Variants in ATAD2B observed in about 807,000 individuals in gnomAD.
ATAD2B encodes ATPase family AAA domain-containing protein 2B.
A neutral mutation model predicts 167.6 loss-of-function variants in ATAD2B; 40 were observed. That is an observed-to-expected ratio of 0.24 (90% CI 0.19 to 0.31). The LOEUF (loss-of-function observed/expected upper bound fraction) is 0.31, where lower values mean the gene tolerates loss of function less well. ATAD2B is among the 10% of genes least tolerant of loss of function. The probability of loss-of-function intolerance (pLI) is 1.00; values close to 1 mark genes in which losing one functional copy is unlikely to be tolerated. For synonymous variants in ATAD2B, 579 were observed against 596.5 expected (o/e 0.97, Z 0.43); for missense variants, 1,242 against 1,757.2 (o/e 0.71, Z 5.24).
At chr2:23,807,132 T>C (rs1049000642) in intron 18 of ATAD2B, among the ~76,000 whole-genome samples, 6 of 152,154 alleles carry the variant, frequency 3.9e-5, no homozygotes, top group African/African-American at 1.4e-4. Flanking sequence ...TCACTCCCAA[T>C]GCAGAGATCT....
At chr2:23,781,916 G>A (rs985905821) in intron 22 of ATAD2B, among the ~76,000 whole-genome samples, 5 of 151,996 alleles carry the variant, frequency 3.3e-5, no homozygotes, top group African/African-American at 1.2e-4. Context: ...GGGCTCAAGT[G>A]AGCCTCCCAC....
the ATAD2B span, among the ~76,000 whole-genome samples, chr2:23,680,589 C>T: frequency 5.9e-5 from 9 of 152,110 alleles, no homozygotes; most frequent in Non-Finnish European, 1.0e-4. This position sits in a 1 kb window ranked among gnomAD's most constrained non-coding sequence, Gnocchi z 4.1. Context: ...ACTCGCCAGA[C>T]CCCACCGAGC....
intron 15 of ATAD2B, among the ~76,000 whole-genome samples, chr2:23,826,610 C>T (rs1688297840): frequency 6.6e-6 from 1 of 152,038 alleles, no homozygotes; most frequent in African/African-American, 2.4e-5. Context: ...AGAGGTTAGA[C>T]TAGAAACAAG....
At chr2:23,870,617 C>T (rs1176836248) in intron 8 of ATAD2B, among the ~76,000 whole-genome samples, 1 of 123,160 alleles carries the variant, frequency 8.1e-6, no homozygotes, top group East Asian at 3.6e-4. Context: ...CCAAATTTAG[C>T]GAATATCGGT....
At chr2:23,857,153 A>G (rs2675364) in intron 13 of ATAD2B, among the ~76,000 whole-genome samples, 9,822 of 152,276 alleles carry the variant, frequency 0.065, 402 homozygotes, top group African/African-American at 0.12. Flanking sequence ...ATTGTAGCAC[A>G]TAAGAAACCA....
chr2:23,824,547 A>G (rs1464566833), intron 15 of ATAD2B, among the ~76,000 whole-genome samples: 1 of 152,230 alleles, frequency 6.6e-6, no homozygotes, highest in Admixed American at 6.5e-5. Flanking sequence ...AGTTCCAAAT[A>G]TATTAAAGTA....
At chr2:23,691,664 CTG>C in the ATAD2B span, 6 of 1,551,484 alleles carry the variant, frequency 3.9e-6, no homozygotes, top group South Asian at 7.1e-5. Context: ...ACCCTGGTCT[CTG>C]TGCCTAGGTC....
intron 1 of ATAD2B, among the ~76,000 whole-genome samples, chr2:23,914,568 G>A (rs544342742): frequency 1.8e-4 from 27 of 152,162 alleles, no homozygotes; most frequent in Non-Finnish European, 3.2e-4. Flanking sequence ...GGCCCGGCGC[G>A]GTGGCTCACA....
chr2:23,684,899 C>T, the ATAD2B span, among the ~76,000 whole-genome samples: 1 of 152,156 alleles, frequency 6.6e-6, no homozygotes, highest in African/African-American at 2.4e-5. This position sits in a 1 kb window ranked among gnomAD's most constrained non-coding sequence, Gnocchi z 4.4. Context: ...TAAGGGATCA[C>T]TACACACTGC....
At chr2:23,715,087 A>G in the ATAD2B span, among the ~76,000 whole-genome samples, 4 of 152,292 alleles carry the variant, frequency 2.6e-5, no homozygotes, top group South Asian at 8.3e-4. Flanking sequence ...CAACCAACCC[A>G]CACATCCAAT....
chr2:23,875,448 G>A (rs188649604), intron 8 of ATAD2B, among the ~76,000 whole-genome samples: 45 of 151,696 alleles, frequency 3.0e-4, no homozygotes, highest in East Asian at 1.4e-3. Context: ...GCAGTGAGCC[G>A]AGACTGCGCC....
At chr2:23,806,036 TTAATC>T (rs1170579284) in intron 18 of ATAD2B, 1 of 152,194 alleles carries the variant, frequency 6.6e-6, no homozygotes, top group Admixed American at 6.5e-5. Context: ...ATCTATTAAT[TTAATC>T]TAAAGAATGC....
chr2:23,888,106 C>G, intron 3 of ATAD2B, 121 bp from the exon 4 acceptor site: 1 of 816,160 alleles, frequency 1.2e-6, no homozygotes, highest in Non-Finnish European at 1.8e-6. Context: ...TTTTAAATGG[C>G]TTTAATAGTC....
intron 1 of ATAD2B, among the ~76,000 whole-genome samples, chr2:23,907,208 T>A (rs1375971345): frequency 6.6e-6 from 1 of 152,136 alleles, no homozygotes; most frequent in Non-Finnish European, 1.5e-5. Context: ...TGATTGTATA[T>A]CTAGAAAATC....
At chr2:23,845,534 C>T (rs1442291508) in intron 13 of ATAD2B, among the ~76,000 whole-genome samples, 1 of 143,656 alleles carries the variant, frequency 7.0e-6, no homozygotes, top group Non-Finnish European at 1.5e-5. Flanking sequence ...TGGCTGTGGG[C>T]AGGAAAAGGA....
At chr2:23,868,756 T>C (rs1695510334) in intron 9 of ATAD2B, among the ~76,000 whole-genome samples, 1 of 152,226 alleles carries the variant, frequency 6.6e-6, no homozygotes, top group South Asian at 2.1e-4. Context: ...ATTTAACACA[T>C]TATTTAATAT....
At chr2:23,706,754 G>A in the ATAD2B span, 1 of 925,500 alleles carries the variant, frequency 1.1e-6, no homozygotes, top group Non-Finnish European at 1.5e-6. Context: ...CCAACAAGAG[G>A]CCAACAAAAC....
At chr2:23,899,906 A>G (rs1225134183) in intron 1 of ATAD2B, among the ~76,000 whole-genome samples, 1 of 145,970 alleles carries the variant, frequency 6.9e-6, no homozygotes, top group African/African-American at 2.5e-5. Context: ...CATTTCTAAT[A>G]CAGTTTTCTT....
At chr2:23,818,239 GAGGGAGGGAAGAAGAGAGGGAGAC>G (rs1558591810) in intron 17 of ATAD2B, among the ~76,000 whole-genome samples, 4 of 75,832 alleles carry the variant, frequency 5.3e-5, no homozygotes, top group Admixed American at 1.3e-4. Context: ...GAGAGGGAGG[GAGGGAGGGAAGAAGAGAGGGAGAC>G]GGAGGGAGGG....
Sources: allele counts gnomAD v4.1 joint callset (sites outside exome capture counted in the v4.1 genomes callset), GRCh38; gene constraint gnomAD v4.1.1; non-coding constraint Gnocchi (gnomAD v3.1); transcripts MANE v1.5; gene names NCBI Gene and HGNC (gene_info 2026-07-23, HGNC 2026-07-21).